GGA2: variants seen among roughly 807,000 people sequenced by gnomAD.
GGA2 encodes ADP-ribosylation factor-binding protein GGA2.
In GGA2, 48 loss-of-function variants were observed where a neutral mutation model predicts 79.5. The ratio of observed to expected loss-of-function variants is 0.60; its 90% CI spans 0.48 to 0.77. The LOEUF (loss-of-function observed/expected upper bound fraction) is 0.77, where lower values mean the gene tolerates loss of function less well. Ranked by LOEUF, GGA2 falls within the 30% of genes least tolerant of loss-of-function variation. GGA2 has a pLI of 0.00. For synonymous variants in GGA2, 317 were observed against 302.0 expected (o/e 1.05, Z -0.51); for missense variants, 770 against 774.0 (o/e 0.99, Z 0.06).
chr16:23,475,258 C>T (rs1294976947), intron 13 of GGA2, among the ~76,000 whole-genome samples, 197 bp from the exon 14 acceptor site: 20 of 148,968 alleles, frequency 1.3e-4, no homozygotes, highest in Admixed American at 6.7e-4. Context: ...CGAACAGTCT[C>T]GGCTCACTGC....
At chr16:23,495,597 T>C (rs1326353775) in intron 2 of GGA2, 97 bp downstream of exon 2, 5 of 623,928 alleles carry the variant, frequency 8.0e-6, no homozygotes, top group African/African-American at 1.8e-5. Flanking sequence ...GATCCTTGCC[T>C]AGAGAGCTTA....
rs1964419941 is a variant in GGA2 at position 23,465,188 on chromosome 16, G to A, written c.*2402C>T. ...AAAAACAGAGACACGGTCTCACTATGTAGCCCAGGCTGGACTTGAAATCCT... is the reference window on the plus strand; with the variant it reads ...AAAAACAGAGACACGGTCTCACTATATAGCCCAGGCTGGACTTGAAATCCT... On this transcript the variant is annotated 3_prime_UTR_variant, in exon 17 of 17. Transcript: ENST00000309859. The A allele has an allele frequency of 8.1e-6, 5 of 617,566 alleles. No homozygotes were observed. The Admixed American group carries it at 1.1e-4, about 13-fold the overall frequency. 38.3% of individuals were successfully genotyped at this position (617,566 alleles called of 1,614,324 possible). A position where few individuals can be genotyped will look rare whatever the true frequency, so the allele number is the denominator to read the frequency against.
rs1380404984 is a variant in GGA2, at chr16:23,478,885, T to C, written c.1156A>G (p.Met386Val). 1.9e-6 allele frequency: 3 copies of C among 1,604,070 alleles called. No homozygotes were observed. The highest frequency in any genetic ancestry group is 2.6e-6 in the Non-Finnish European group (3 of 1,171,376). ...GGCCCTGGGAAGGGCATCCTTACCA[T>C]GCCTGTAACAGGAGCATCACTGATT... ...LGISDAPVTGMVSGQNCCEEK... is the reference protein window; with the variant it reads ...LGISDAPVTGVVSGQNCCEEK... The change falls in exon 12 of 17, where the codon ATG becomes GTG. Residue 386 changes from methionine to valine, a missense_variant and splice_region_variant. Transcript: ENST00000309859.
intron 4 of GGA2, 134 bp downstream of exon 4, chr16:23,493,226 G>C: frequency 1.5e-6 from 1 of 649,724 alleles, no homozygotes; most frequent in Non-Finnish European, 2.8e-6. Context: ...AGCTTGGAGA[G>C]GAGAGCGCTT....
intron 15 of GGA2, chr16:23,469,700 G>A (rs749418777): frequency 4.8e-6 from 1 of 209,196 alleles, no homozygotes; most frequent in Admixed American, 5.9e-5. Flanking sequence ...TGCAACCCTG[G>A]AGCTGTGGGT....
At chr16:23,490,776 C>A (rs1227895706) in intron 5 of GGA2, among the ~76,000 whole-genome samples, 2 of 151,752 alleles carry the variant, frequency 1.3e-5, no homozygotes, top group Non-Finnish European at 1.5e-5. Context: ...AATAAATCCA[C>A]TAAATGATTA....
At chr16:23,475,482 G>A (rs1258093965) in intron 13 of GGA2, among the ~76,000 whole-genome samples, 1 of 151,838 alleles carries the variant, frequency 6.6e-6, no homozygotes, top group African/African-American at 2.4e-5. Context: ...GAGCTAATGC[G>A]CCAGATGTTA....
chr16:23,482,795 TCC>T, intron 9 of GGA2, 126 bp downstream of exon 9: 1 of 685,100 alleles, frequency 1.5e-6, no homozygotes, highest in Non-Finnish European at 2.7e-6. Context: ...GGCCACACCC[TCC>T]CCAAGCCCAA....
intron 11 of GGA2, 88 bp from the exon 12 acceptor site, chr16:23,478,999 C>T: frequency 1.1e-6 from 1 of 932,950 alleles, no homozygotes; most frequent in Non-Finnish European, 1.8e-6. Context: ...CTTTCTAGGA[C>T]ATCCAGAAAG....
intron 2 of GGA2, among the ~76,000 whole-genome samples, chr16:23,516,011 A>T (rs1597001069): frequency 1.4e-5 from 2 of 141,092 alleles, no homozygotes; most frequent in Non-Finnish European, 1.5e-5. Context: ...CCTCTGACCT[A>T]TTTTTTTTTT....
In GGA2 at chr16:23,467,619, G is replaced by A. The variant is rs753484122; in HGVS notation, c.1813C>T (p.Pro605Ser). Residue 605 changes from proline to serine, a missense_variant, in exon 17 of 17, where the codon CCA becomes TCA. By Grantham distance (74) the Pro-to-Ser change is moderately conservative. Coordinates refer to ENST00000309859, the MANE Select transcript of GGA2 (RefSeq NM_015044.4). The part of the protein sequence containing the change: ...FSEVGEVKDF[P>S]DLAVLGAA ...GCTGCGCCCAAGACAGCCAGGTCTGGGAAGTCTTTCACTTCTCCTACTTCG... is the reference window on the plus strand; with the variant it reads ...GCTGCGCCCAAGACAGCCAGGTCTGAGAAGTCTTTCACTTCTCCTACTTCG... 6.3e-7 allele frequency: 1 copy of A among 1,598,572 alleles called. No individual in the cohort carries two copies. Among genetic ancestry groups the A allele is most frequent in the East Asian group, 2.2e-5 (1 of 44,818 alleles).
At chr16:23,491,489 A>T (rs1044227533) in intron 5 of GGA2, among the ~76,000 whole-genome samples, 188 bp downstream of exon 5, 1 of 150,672 alleles carries the variant, frequency 6.6e-6, no homozygotes, top group African/African-American at 2.4e-5. Context: ...CCAGGTTTGC[A>T]CTATGGCTTT....
At position 23,486,131 on chromosome 16, in the gene GGA2, C is replaced by A. The variant is rs1277488100; in HGVS notation, c.682G>T (p.Val228Leu). The change falls in exon 8 of 17, where the codon GTG (valine) becomes TTG (leucine). Residue 228 changes from valine (V) to leucine (L), a missense_variant. Val to Leu is a conservative substitution (Grantham distance 32). Coordinates refer to ENST00000309859, the MANE Select transcript of GGA2 (RefSeq NM_015044.4). ...TCCACCGCACTGACCCTCTTGGACA[C>A]CTTCTCCGATTTTTCTTGTTCCTTT... The part of the protein sequence containing the change: ...VKEEQEKSEK[V>L]SKRVSAVEEV... 1.9e-6 allele frequency: 3 copies of A among 1,613,858 alleles called. No homozygotes were observed. Among genetic ancestry groups the A allele is most frequent in the African/African-American group, 1.3e-5 (1 of 74,930 alleles).
chr16:23,475,449 C>A (rs1216150251), intron 13 of GGA2, among the ~76,000 whole-genome samples: 4 of 151,932 alleles, frequency 2.6e-5, no homozygotes, highest in Non-Finnish European at 5.9e-5. Context: ...CTCGGCCTCC[C>A]AAAGTGCTGG....
chr16:23,471,901 C>T (rs1364120698), intron 14 of GGA2, among the ~76,000 whole-genome samples: 1 of 151,732 alleles, frequency 6.6e-6, no homozygotes, highest in Non-Finnish European at 1.5e-5. Flanking sequence ...GGAGCGAGGC[C>T]CCATCTCTAA....
Position 23,491,662 on chromosome 16 carries a change from T to C in GGA2, c.475+15A>G. On this transcript the variant is annotated intron_variant, in intron 5 of 16. Transcript: ENST00000309859. ...CTAGTCAAGAGGAAATAAGACACAG[T>C]AAGGCAAGTCAGACCTTGTTTCTTC... 1 of 1,611,648 alleles carries C rather than the reference T, an allele frequency of 6.2e-7. No homozygotes were observed. Among genetic ancestry groups the C allele is most frequent in the Non-Finnish European group, 8.5e-7 (1 of 1,178,248 alleles).
chr16:23,513,071 CT>C (rs1965083053), upstream of GGA2, among the ~76,000 whole-genome samples: 1 of 152,188 alleles, frequency 6.6e-6, no homozygotes, highest in Admixed American at 6.5e-5. Flanking sequence ...CTGGACCCGG[CT>C]TTCCACATTT....
intron 1 of GGA2, among the ~76,000 whole-genome samples, chr16:23,497,624 C>CGT (rs1415770197): frequency 2.0e-5 from 3 of 152,124 alleles, no homozygotes; most frequent in African/African-American, 7.2e-5. Flanking sequence ...TCCCATGTTC[C>CGT]GTATCTTAAA....
intron 1 of GGA2, among the ~76,000 whole-genome samples, chr16:23,506,748 C>T (rs559194327): frequency 1.3e-5 from 2 of 152,354 alleles, no homozygotes; most frequent in African/African-American, 2.4e-5. Flanking sequence ...CCCCACCTTC[C>T]TCAAGTCCCC....
Sources: gnomAD v4.1 joint callset for allele counts (sites outside exome capture counted in the v4.1 genomes callset) on GRCh38, gnomAD v4.1.1 for gene constraint, MANE v1.5 for transcripts, NCBI Gene and HGNC (gene_info 2026-07-23, HGNC 2026-07-21) for gene names.